Variants in C4BPA observed in about 807,000 individuals in gnomAD.
The protein encoded by C4BPA is C4b-binding protein alpha chain.
C4BPA carries 31 observed loss-of-function variants against 63.7 expected under a neutral mutation model. That is an observed-to-expected ratio of 0.49 (90% CI 0.37 to 0.66). The LOEUF is 0.66. Among genes scored for constraint, C4BPA ranks in the 30% least tolerant of loss-of-function variants. The probability of loss-of-function intolerance (pLI) is 0.00; values close to 1 mark genes in which losing one functional copy is unlikely to be tolerated. For synonymous variants in C4BPA, 259 were observed against 254.7 expected (o/e 1.02, Z -0.16); for missense variants, 572 against 723.3 (o/e 0.79, Z 2.40).
intron 7 of C4BPA, among the ~76,000 whole-genome samples, chr1:207,130,570 C>T (rs528000643): frequency 6.6e-6 from 1 of 151,942 alleles, no homozygotes; most frequent in East Asian, 1.9e-4. Context: ...AATGAATAAA[C>T]AAAAAGTGGT....
Position 207,126,715 on chromosome 1 carries a change from A to G in C4BPA, c.709A>G (p.Ile237Val). The G allele has an allele frequency of 6.2e-7, 1 of 1,606,240 alleles. No individual in the cohort carries two copies. The highest frequency in any genetic ancestry group is 8.5e-7 in the Non-Finnish European group (1 of 1,175,388). Residue 237 changes from isoleucine (I) to valine (V), a missense_variant and splice_region_variant, in exon 7 of 12, where the codon ATC (isoleucine) becomes GTC (valine). Ile to Val is a conservative substitution (Grantham distance 29). Transcript: ENST00000367070. ...WRPSPPTCEK[I>V]TCRKPDVSHG... ...TGTCTTTTCTCATGATTCTTTAGAA[A>G]TCACCTGTCGCAAGCCAGATGTTTC...
chr1:207,123,169 T>C (rs1167238892), intron 4 of C4BPA, among the ~76,000 whole-genome samples: 2 of 152,188 alleles, frequency 1.3e-5, no homozygotes, highest in African/African-American at 2.4e-5. Context: ...TGGGCTAGGT[T>C]GGAAAAACTA....
At chr1:207,115,565 T>C in intron 4 of C4BPA, 50 bp downstream of exon 4, 1 of 999,036 alleles carries the variant, frequency 1.0e-6, no homozygotes, top group Non-Finnish European at 1.5e-6. Context: ...ATTTAAAAAA[T>C]AGCTGAAGTG....
At chr1:207,136,353 T>G (rs1452367609) in intron 9 of C4BPA, among the ~76,000 whole-genome samples, 3 of 152,208 alleles carry the variant, frequency 2.0e-5, no homozygotes, top group Non-Finnish European at 4.4e-5. Flanking sequence ...TAATACCTTT[T>G]CTACTGGGGA....
intron 9 of C4BPA, among the ~76,000 whole-genome samples, chr1:207,135,637 C>T (rs938620480): frequency 3.9e-5 from 6 of 152,212 alleles, no homozygotes; most frequent in Admixed American, 1.3e-4. Flanking sequence ...CTTCCATCCC[C>T]TGGTTCCTGG....
intron 4 of C4BPA, among the ~76,000 whole-genome samples, chr1:207,122,040 A>C (rs948417907): frequency 2.0e-5 from 3 of 152,164 alleles, no homozygotes; most frequent in Non-Finnish European, 2.9e-5. Context: ...ATACTATTTC[A>C]GTGCTGTCTG....
chr1:207,124,056 T>TA lies in C4BPA; in HGVS notation c.514+51dup, dbSNP rs770551381. ...GACTATCAATTTAAACTCTGTTAGG[T>TA]AATAAAGTCCCTGTGCATCTTTACA... On this transcript the variant is annotated intron_variant, in intron 5 of 11. Transcript: ENST00000367070. The TA allele has an allele frequency of 2.0e-6, 3 of 1,504,398 alleles. No homozygotes were observed. The African/African-American group carries it at 4.1e-5, about 21-fold the overall frequency. 93.2% of individuals were successfully genotyped at this position (1,504,398 alleles called of 1,614,324 possible).
Position 207,120,789 on chromosome 1 carries a change from A to G in C4BPA, c.429-3133A>G, listed in dbSNP as rs370110557. Among the ~76,000 whole-genome samples, 76 of 152,288 alleles carry G rather than the reference A, an allele frequency of 5.0e-4. 3 individuals carry two copies. In the South Asian group the frequency reaches 0.014, roughly 29 times the overall value. ...GATTTTCTTTATTAGTAGTATATAG[A>G]GTTTGCTATATACACATCAGATTTA... On this transcript the variant is annotated intron_variant, in intron 4 of 11. Coordinates refer to ENST00000367070, the MANE Select transcript of C4BPA (RefSeq NM_000715.4).
intron 6 of C4BPA, 50 bp downstream of exon 6, chr1:207,124,416 T>TAAAC: frequency 2.1e-6 from 3 of 1,409,544 alleles, no homozygotes; most frequent in Non-Finnish European, 3.0e-6. Flanking sequence ...CTCTTTTGTT[T>TAAAC]AAAAGAGAAA....
intron 1 of C4BPA, among the ~76,000 whole-genome samples, chr1:207,110,867 A>G (rs1684653411): frequency 6.6e-6 from 1 of 152,164 alleles, no homozygotes; most frequent in African/African-American, 2.4e-5. Flanking sequence ...CAACTGCAAC[A>G]ATTCCTAGGG....
chr1:207,111,573 A>G (rs1389973326), intron 1 of C4BPA, among the ~76,000 whole-genome samples: 1 of 152,176 alleles, frequency 6.6e-6, no homozygotes, highest in Non-Finnish European at 1.5e-5. Context: ...AGGGCACTAT[A>G]AACTTCCCTT....
At chr1:207,137,041 T>C (rs1685293266) in intron 9 of C4BPA, among the ~76,000 whole-genome samples, 1 of 152,258 alleles carries the variant, frequency 6.6e-6, no homozygotes, top group Non-Finnish European at 1.5e-5. Flanking sequence ...CTTAAATTTA[T>C]TGTTCTTTGT....
intron 7 of C4BPA, among the ~76,000 whole-genome samples, chr1:207,128,331 A>G: frequency 6.6e-6 from 1 of 152,166 alleles, no homozygotes; most frequent in East Asian, 1.9e-4. Flanking sequence ...CTCCTACACC[A>G]TAAGAAGAAC....
In C4BPA at chr1:207,109,350, A is replaced by G. The variant is rs1331848943; in HGVS notation, c.-25-3651A>G. On this transcript the variant is annotated intron_variant, in intron 1 of 11. Coordinates refer to ENST00000367070, the MANE Select transcript of C4BPA (RefSeq NM_000715.4). ...TGGCTTCTGACAGAGTGACATTCCA[A>G]TGCCAATTCTATGAAACTCTTCCCT... Among the ~76,000 whole-genome samples the G allele has an allele frequency of 3.9e-5, 6 of 152,214 alleles. No homozygotes were observed. In the South Asian group the frequency reaches 6.2e-4, roughly 16 times the overall value.
chr1:207,116,460 G>T (rs1036327686), intron 4 of C4BPA, among the ~76,000 whole-genome samples: 1 of 151,002 alleles, frequency 6.6e-6, no homozygotes. Flanking sequence ...CAGGATTTAG[G>T]CCTTGATTCT....
At chr1:207,116,556 G>GCATA (rs1684795475) in intron 4 of C4BPA, among the ~76,000 whole-genome samples, 3 of 147,206 alleles carry the variant, frequency 2.0e-5, no homozygotes, top group African/African-American at 7.5e-5. Context: ...GTGTGTGTGT[G>GCATA]TGTATAATGT....
chr1:207,117,935 C>T (rs1407438376), intron 4 of C4BPA, among the ~76,000 whole-genome samples: 1 of 152,186 alleles, frequency 6.6e-6, no homozygotes, highest in Non-Finnish European at 1.5e-5. Flanking sequence ...CTACCCTTTG[C>T]TATGCTTTCC....
At chr1:207,116,271 C>T (rs140479890) in intron 4 of C4BPA, among the ~76,000 whole-genome samples, 3 of 152,202 alleles carry the variant, frequency 2.0e-5, no homozygotes, top group African/African-American at 7.2e-5. Flanking sequence ...CTGTACATTT[C>T]TCTTATTGTC....
chr1:207,131,160 G>A lies in C4BPA; in HGVS notation c.890-386G>A, dbSNP rs531963113. 1.3e-4 allele frequency among the ~76,000 whole-genome samples: 20 copies of A among 152,308 alleles called. No individual in the cohort carries two copies. In the South Asian group the frequency reaches 3.1e-3, roughly 24 times the overall value. Reference sequence around the variant, plus strand: ...GCCAAGTCATTCCTGGTATCATCTGGATGAGGGGAACGGCTCCTGTTTATT... The same window carrying A: ...GCCAAGTCATTCCTGGTATCATCTGAATGAGGGGAACGGCTCCTGTTTATT... On this transcript the variant is annotated intron_variant, in intron 7 of 11. Transcript: ENST00000367070.
Sources: gnomAD v4.1 joint callset for allele counts (sites outside exome capture counted in the v4.1 genomes callset) on GRCh38, gnomAD v4.1.1 for gene constraint, MANE v1.5 for transcripts, NCBI Gene and HGNC (gene_info 2026-07-23, HGNC 2026-07-21) for gene names.